Variants in FMNL2 observed in about 807,000 individuals in gnomAD.
FMNL2 encodes the protein formin-like protein 2.
FMNL2 carries 51 observed loss-of-function variants against 130.2 expected under a neutral mutation model. The observed-to-expected ratio is 0.39, with a 90% CI of 0.31 to 0.49. The LOEUF (loss-of-function observed/expected upper bound fraction) is 0.49. FMNL2 is among the 20% of genes least tolerant of loss of function. The probability of loss-of-function intolerance (pLI) is 0.85; values close to 1 mark genes in which losing one functional copy is unlikely to be tolerated. For missense variants in FMNL2, 977 were observed against 1,316.2 expected, an observed-to-expected ratio of 0.74 and a Z score of 3.99; for synonymous variants, 465 against 467.1, an observed-to-expected ratio of 1.00 and a Z score of 0.06.
chr2:152,640,716 T>C, intron 24 of FMNL2, 75 bp from the exon 25 acceptor site: 1 of 1,546,214 alleles, frequency 6.5e-7, no homozygotes, highest in Admixed American at 2.1e-5. Flanking sequence ...AACATAATGC[T>C]CAGGCACATT....
chr2:152,493,789 A>G (rs1691349015), intron 1 of FMNL2, among the ~76,000 whole-genome samples: 1 of 152,250 alleles, frequency 6.6e-6, no homozygotes, highest in African/African-American at 2.4e-5. Flanking sequence ...CCAGAGAACC[A>G]TGAGCCAAAT....
chr2:152,548,810 A>G (rs1370364763), intron 3 of FMNL2, among the ~76,000 whole-genome samples: 1 of 152,172 alleles, frequency 6.6e-6, no homozygotes, highest in Non-Finnish European at 1.5e-5. Flanking sequence ...ACTGAAAGGC[A>G]CATTACATAA....
intron 9 of FMNL2, among the ~76,000 whole-genome samples, chr2:152,601,671 C>G (rs7426043): frequency 9.7e-6 from 1 of 103,470 alleles, no homozygotes; most frequent in African/African-American, 3.4e-5. Context: ...TCTTTTCTTT[C>G]TTTTTTTTTT....
intron 16 of FMNL2, among the ~76,000 whole-genome samples, chr2:152,626,227 G>A (rs867140993): frequency 1.8e-4 from 28 of 152,078 alleles, no homozygotes; most frequent in Non-Finnish European, 5.9e-5. Context: ...AGTAGAGAGC[G>A]CATTTCATCA....
chr2:152,390,277 G>A, intron 1 of FMNL2: 1 of 1,407,714 alleles, frequency 7.1e-7, no homozygotes, highest in Non-Finnish European at 1.0e-6. Flanking sequence ...GGGCTCAAGG[G>A]GCAGCCAGCA....
At chr2:152,490,161 G>A (rs186639010) in intron 1 of FMNL2, among the ~76,000 whole-genome samples, 354 of 152,186 alleles carry the variant, frequency 2.3e-3, no homozygotes, top group South Asian at 8.1e-3. Context: ...CCATGGTAGA[G>A]GTGACGGGGA....
intron 10 of FMNL2, among the ~76,000 whole-genome samples, chr2:152,609,934 T>A (rs890454870): frequency 1.3e-5 from 2 of 152,208 alleles, no homozygotes; most frequent in Non-Finnish European, 2.9e-5. Flanking sequence ...ATAAATAGAC[T>A]GATAGTCACT....
At chr2:152,430,229 T>C (rs1209945753) in intron 1 of FMNL2, among the ~76,000 whole-genome samples, 1 of 152,210 alleles carries the variant, frequency 6.6e-6, no homozygotes, top group African/African-American at 2.4e-5. Flanking sequence ...TGTACTGTGC[T>C]TGAGTTTTGG....
At chr2:152,514,010 A>G (rs1692623446) in intron 1 of FMNL2, among the ~76,000 whole-genome samples, 1 of 152,124 alleles carries the variant, frequency 6.6e-6, no homozygotes, top group Non-Finnish European at 1.5e-5. Flanking sequence ...TGGACCATGA[A>G]TATAGGTCAT....
At chr2:152,431,073 CT>C (rs1558857994) in intron 1 of FMNL2, among the ~76,000 whole-genome samples, 1 of 152,130 alleles carries the variant, frequency 6.6e-6, no homozygotes, top group Non-Finnish European at 1.5e-5. Context: ...GCTCAGCTGA[CT>C]TTTTGTTCGC....
intron 1 of FMNL2, among the ~76,000 whole-genome samples, chr2:152,467,716 A>T (rs1043373562): frequency 2.6e-5 from 4 of 152,198 alleles, no homozygotes; most frequent in African/African-American, 9.6e-5. Context: ...ATCAGTATGT[A>T]CACAGCATAT....
chr2:152,466,936 C>A (rs1689578981), intron 1 of FMNL2, among the ~76,000 whole-genome samples: 1 of 152,170 alleles, frequency 6.6e-6, no homozygotes, highest in Non-Finnish European at 1.5e-5. Flanking sequence ...TAAGCCTGCA[C>A]CGATTTTGTC....
chr2:152,596,083 C>T (rs1337222211), intron 9 of FMNL2, among the ~76,000 whole-genome samples: 2 of 151,774 alleles, frequency 1.3e-5, no homozygotes, highest in Non-Finnish European at 2.9e-5. Context: ...CCGCCTCTGC[C>T]TCCAGAACGG....
In FMNL2 at chr2:152,558,744, G is replaced by A; in HGVS notation, c.364G>A (p.Val122Ile). 6.2e-7 allele frequency: 1 copy of A among 1,611,518 alleles called. No homozygotes were observed. Among genetic ancestry groups the A allele is most frequent in the Non-Finnish European group, 8.5e-7 (1 of 1,179,008 alleles). ...ISLRTNHIGW[V>I]REFLNEENKG... ...TTTTTTTTTTTTCCCCAACAGATGGGTCAGAGAATTTCTGAATGAAGAAAA... is the reference window on the plus strand; with the variant it reads ...TTTTTTTTTTTTCCCCAACAGATGGATCAGAGAATTTCTGAATGAAGAAAA... The change falls in exon 5 of 26, where the codon GTC becomes ATC. Residue 122 changes from valine to isoleucine, a missense_variant. Val to Ile is a conservative substitution (Grantham distance 29). Around this residue, in one of 4 missense-constraint regions of FMNL2, gnomAD observed 3 missense variants for 16.6 expected, o/e 0.18. Coordinates refer to ENST00000288670, the MANE Select transcript of FMNL2 (RefSeq NM_052905.4).
At chr2:152,491,311 G>A (rs1691174588) in intron 1 of FMNL2, among the ~76,000 whole-genome samples, 1 of 152,126 alleles carries the variant, frequency 6.6e-6, no homozygotes, top group Admixed American at 6.6e-5. Context: ...CAGGGTCAGG[G>A]GGCCAGGCAG....
chr2:152,335,784 C>T, intron 1 of FMNL2, 64 bp downstream of exon 1: 3 of 1,145,644 alleles, frequency 2.6e-6, no homozygotes, highest in Non-Finnish European at 3.5e-6. Flanking sequence ...CGCAGCTGAC[C>T]CCCGCCCCTC....
intron 3 of FMNL2, among the ~76,000 whole-genome samples, 165 bp from the exon 4 acceptor site, chr2:152,548,856 A>G (rs891688242): frequency 6.6e-6 from 1 of 152,198 alleles, no homozygotes; most frequent in African/African-American, 2.4e-5. Context: ...TCAGTAGTTA[A>G]TTTTCATGGT....
chr2:152,496,968 C>T (rs1168275259), intron 1 of FMNL2, among the ~76,000 whole-genome samples: 6 of 151,700 alleles, frequency 4.0e-5, no homozygotes, highest in East Asian at 3.9e-4. Flanking sequence ...AGCTCTAGTT[C>T]GCCTTATTAG....
intron 4 of FMNL2, among the ~76,000 whole-genome samples, chr2:152,558,530 T>G (rs1342026531): frequency 6.6e-6 from 1 of 152,218 alleles, no homozygotes; most frequent in East Asian, 1.9e-4. Context: ...TTTTTGGCCC[T>G]TATTTTTGCA....
Sources: allele counts gnomAD v4.1 joint callset (sites outside exome capture counted in the v4.1 genomes callset), GRCh38; gene constraint gnomAD v4.1.1; regional missense constraint gnomAD v4.1.1; transcripts MANE v1.5; gene names NCBI Gene and HGNC (gene_info 2026-07-23, HGNC 2026-07-21).